The following IBA57 variants were observed in gnomAD, a reference collection of about 807,000 sequenced individuals.
IBA57 encodes iron-sulfur cluster assembly factor IBA57, mitochondrial.
Under a neutral mutation model 20.4 loss-of-function variants are expected in IBA57, and 20 were observed. That is an observed-to-expected ratio of 0.98 (90% CI 0.69 to 1.42). IBA57 has a LOEUF of 1.42. Ranked by LOEUF, IBA57 falls within the 40% of genes most tolerant of loss-of-function variation. The pLI is 0.00. For missense variants in IBA57, 608 were observed against 499.3 expected, an observed-to-expected ratio of 1.22 and a Z score of -2.07; for synonymous variants, 310 against 233.9, an observed-to-expected ratio of 1.33 and a Z score of -2.97.
Position 228,165,971 on chromosome 1 carries a change from G to T in IBA57, c.155G>T (p.Arg52Leu). 6.6e-7 allele frequency: 1 copy of T among 1,516,840 alleles called. No homozygotes were observed. Among genetic ancestry groups the T allele is most frequent in the Middle Eastern group, 2.0e-4 (1 of 4,928 alleles). 94.0% of individuals were successfully genotyped at this position (1,516,840 alleles called of 1,614,324 possible). The part of the protein sequence containing the change: ...PTAGAAWACF[R>L]LDGRTLLRVR... The stretch of plus-strand genomic sequence containing the variant: ...GCCGGAGCGGCCTGGGCCTGCTTCC[G>T]GCTGGACGGGCGCACCCTGCTGCGC... The change falls in exon 1 of 3, where the codon CGG (arginine) becomes CTG (leucine). Residue 52 changes from arginine (R) to leucine (L), a missense_variant. Arg to Leu is a moderately radical substitution (Grantham distance 102). Transcript: ENST00000366711.
At position 228,176,179 on chromosome 1, in the gene IBA57, G is replaced by A. The variant is rs1343774175; in HGVS notation, c.*666G>A. On this transcript the variant is annotated 3_prime_UTR_variant, in exon 3 of 3. Coordinates refer to ENST00000366711, the MANE Select transcript of IBA57 (RefSeq NM_001010867.4). ...CCTCAGAGCCCTCCAGGAGCGTGGG[G>A]TGGGGGCCAGCGCAGGGCTCAGGAG... The A allele has an allele frequency of 6.6e-6, 1 of 152,530 alleles. No individual in the cohort carries two copies. The highest frequency in any genetic ancestry group is 1.5e-5 in the Non-Finnish European group (1 of 68,306). The allele number at this position is 152,530 out of a possible 1,614,324, so 9.4% of individuals were successfully genotyped here.
At position 228,174,992 on chromosome 1, in the gene IBA57, G is replaced by A. The variant is rs1342696735; in HGVS notation, c.642G>A (p.Gly214=). The change falls in exon 2 of 3, where the codon GGG becomes GGA. Residue 214 remains glycine, a synonymous_variant. Transcript: ENST00000366711. ...CCCTGGTGCCCGGGGGCCGGCTCGG[G>A]GACTTGTGGGATTATCACCAGCACC... ...GPALVPGGRL[G]DLWDYHQHRY... is the part of the protein sequence containing the mutation. 3 of 1,548,002 alleles carry A rather than the reference G, an allele frequency of 1.9e-6. No homozygotes were observed. The African/African-American group carries it at 4.1e-5, about 21-fold the overall frequency.
In IBA57 at chr1:228,181,245, C is replaced by G. The variant is rs1292357707; in HGVS notation, c.*5732C>G. 1 of 152,222 alleles carries G rather than the reference C, an allele frequency of 6.6e-6. No individual in the cohort carries two copies. The highest frequency in any genetic ancestry group is 1.5e-5 in the Non-Finnish European group (1 of 68,056). 9.4% of individuals were successfully genotyped at this position (152,222 alleles called of 1,614,324 possible). A position where few individuals can be genotyped will look rare whatever the true frequency, so the allele number is the denominator to read the frequency against. Reference sequence around the variant, plus strand: ...GGCCAGTTCCTGGATCTTGGACTGTCCGGTCTCCAGAACCGTGAGCCAATA... The same window carrying G: ...GGCCAGTTCCTGGATCTTGGACTGTGCGGTCTCCAGAACCGTGAGCCAATA... On this transcript the variant is annotated 3_prime_UTR_variant, in exon 3 of 3. Coordinates refer to ENST00000366711, the MANE Select transcript of IBA57 (RefSeq NM_001010867.4).
At chr1:228,166,282 G>A in intron 1 of IBA57, 125 bp downstream of exon 1, 1 of 391,350 alleles carries the variant, frequency 2.6e-6, no homozygotes, top group Non-Finnish European at 4.2e-6. Context: ...CCCGGGGAGG[G>A]CCGGGATGGG....
Position 228,166,042 on chromosome 1 carries a change from A to C in IBA57, c.226A>C (p.Asn76His), listed in dbSNP as rs1238570193. 6.5e-7 allele frequency: 1 copy of C among 1,538,342 alleles called. No homozygotes were observed. Among genetic ancestry groups the C allele is most frequent in the African/African-American group, 1.4e-5 (1 of 72,124 alleles). The change falls in exon 1 of 3, where the codon AAT becomes CAT. Residue 76 changes from asparagine to histidine, a missense_variant. Physicochemically the swap from Asn to His is moderately conservative, Grantham distance 68. Coordinates refer to ENST00000366711, the MANE Select transcript of IBA57 (RefSeq NM_001010867.4). ...AAPFLLGLLT[N>H]ELPLPSPAAA... is the part of the protein sequence containing the mutation. Reference sequence around the variant, plus strand: ...GCCCTTCCTGCTAGGGCTGCTGACCAATGAACTGCCGCTTCCGAGTCCTGC... The same window carrying C: ...GCCCTTCCTGCTAGGGCTGCTGACCCATGAACTGCCGCTTCCGAGTCCTGC...
At position 228,179,704 on chromosome 1, in the gene IBA57, A is replaced by G. The variant is rs1445129574; in HGVS notation, c.*4191A>G. The G allele has an allele frequency of 6.6e-6, 1 of 152,260 alleles. No individual in the cohort carries two copies. Among genetic ancestry groups the G allele is most frequent in the Non-Finnish European group, 1.5e-5 (1 of 68,050 alleles). The allele number at this position is 152,260 out of a possible 1,614,324, so 9.4% of individuals were successfully genotyped here. On this transcript the variant is annotated 3_prime_UTR_variant, in exon 3 of 3. Coordinates refer to ENST00000366711, the MANE Select transcript of IBA57 (RefSeq NM_001010867.4). ...GAAAGTACAGAATCTCATGACAAAG[A>G]GATCTTAAGGCAGAAAAGAAAGAGA...
chr1:228,166,927 C>T (rs890751925), intron 1 of IBA57, among the ~76,000 whole-genome samples: 2 of 152,150 alleles, frequency 1.3e-5, no homozygotes, highest in African/African-American at 4.8e-5. Context: ...GGGATGGACA[C>T]CTTTTTAATG....
intron 1 of IBA57, among the ~76,000 whole-genome samples, chr1:228,169,394 T>C (rs1420057250): frequency 6.6e-6 from 1 of 152,204 alleles, no homozygotes; most frequent in East Asian, 1.9e-4. Flanking sequence ...ACTATAGTTA[T>C]TTGGTTGTTG....
chr1:228,170,522 G>A lies in IBA57; in HGVS notation c.342-4170G>A, dbSNP rs1388926512. Among the ~76,000 whole-genome samples, 1 of 152,076 alleles carries A rather than the reference G, an allele frequency of 6.6e-6. No homozygotes were observed. Among genetic ancestry groups the A allele is most frequent in the Non-Finnish European group, 1.5e-5 (1 of 68,026 alleles). ...TGCTCGGGCTGGTCTTGAACTCCTG[G>A]GCTCAGGCGATTCTCCTGCCTCAGC... On this transcript the variant is annotated intron_variant, in intron 1 of 2. Transcript: ENST00000366711. This position sits in a 1 kb window ranked among gnomAD's most constrained non-coding sequence, Gnocchi z 4.8.
At position 228,174,695 on chromosome 1, in the gene IBA57, C is replaced by CCA; in HGVS notation, c.346_347dup (p.Gln116HisfsTer136). The CCA allele has an allele frequency of 6.4e-7, 1 of 1,558,690 alleles. No individual in the cohort carries two copies. Among genetic ancestry groups the CCA allele is most frequent in the Non-Finnish European group, 8.7e-7 (1 of 1,154,438 alleles). ...GCCCCTGCCTCTCTCCCTGCAGGCT[C>CCA]CAGGAACACTCGGAGGTGTCTGGCT... On this transcript the variant is annotated frameshift_variant, in exon 2 of 3. Coordinates refer to ENST00000366711, the MANE Select transcript of IBA57 (RefSeq NM_001010867.4). LOFTEE classifies it high-confidence loss of function.
chr1:228,179,223 G>C lies in IBA57; in HGVS notation c.*3710G>C, dbSNP rs1297605877. On this transcript the variant is annotated 3_prime_UTR_variant, in exon 3 of 3. Transcript: ENST00000366711. ...CACACACACCAATGTTCTGATCTTA[G>C]AGTAAGCAGACACATCACATGGAAT... The C allele has an allele frequency of 2.6e-5, 4 of 151,964 alleles. No homozygotes were observed. The highest frequency in any genetic ancestry group is 5.9e-5 in the Non-Finnish European group (4 of 68,034). 9.4% of individuals were successfully genotyped at this position (151,964 alleles called of 1,614,324 possible). A position where few individuals can be genotyped will look rare whatever the true frequency, so the allele number is the denominator to read the frequency against.
chr1:228,179,499 C>G lies in IBA57; in HGVS notation c.*3986C>G, dbSNP rs28587961. The G allele has an allele frequency of 6.6e-6, 1 of 152,088 alleles. No homozygotes were observed. Among genetic ancestry groups the G allele is most frequent in the Non-Finnish European group, 1.5e-5 (1 of 68,042 alleles). The allele number at this position is 152,088 out of a possible 1,614,324, so 9.4% of individuals were successfully genotyped here. ...AAGATGGAGAGTTTAGTATGACATC[C>G]GCAATTTACGAGTAATTCCAGAAGG... On this transcript the variant is annotated 3_prime_UTR_variant, in exon 3 of 3. Coordinates refer to ENST00000366711, the MANE Select transcript of IBA57 (RefSeq NM_001010867.4).
intron 1 of IBA57, among the ~76,000 whole-genome samples, chr1:228,166,823 G>A (rs1215525695): frequency 6.6e-6 from 1 of 152,208 alleles, no homozygotes; most frequent in Admixed American, 6.5e-5. Context: ...CCGCCCGGTG[G>A]AGTGGATCTG....
Position 228,175,507 on chromosome 1 carries a change from C to A in IBA57, c.1065C>A (p.Ser355=). The change falls in exon 3 of 3, where the codon TCC becomes TCA. Residue 355 remains serine (S), a synonymous_variant. Transcript: ENST00000366711. ...TGCCAGACTGGTGGCCTACAGTCTC[C>A]AAGTAGTCCGAAGCCTTGGCTGGCG... ...ASVPDWWPTV[S]K 6.4e-7 allele frequency: 1 copy of A among 1,562,016 alleles called. No individual in the cohort carries two copies. The highest frequency in any genetic ancestry group is 1.2e-5 in the South Asian group (1 of 83,444).
rs2035046494 is a variant in IBA57, at chr1:228,177,626, A to T, written c.*2113A>T. 6.6e-6 allele frequency: 1 copy of T among 151,038 alleles called. No homozygotes were observed. The highest frequency in any genetic ancestry group is 1.5e-5 in the Non-Finnish European group (1 of 67,942). The allele number at this position is 151,038 out of a possible 1,614,324, so 9.4% of individuals were successfully genotyped here. A position where few individuals can be genotyped will look rare whatever the true frequency, so the allele number is the denominator to read the frequency against. On this transcript the variant is annotated 3_prime_UTR_variant, in exon 3 of 3. Coordinates refer to ENST00000366711, the MANE Select transcript of IBA57 (RefSeq NM_001010867.4). ...TGCCTCAGCCTCCTGGGTAGCTGGG[A>T]CTACAGGCACATGCCCCATGCCCGG...
Position 228,180,706 on chromosome 1 carries a change from G to T in IBA57, c.*5193G>T, listed in dbSNP as rs1038984793. 2.6e-5 allele frequency: 4 copies of T among 151,482 alleles called. No homozygotes were observed. The highest frequency in any genetic ancestry group is 5.9e-5 in the Non-Finnish European group (4 of 67,898). The allele number at this position is 151,482 out of a possible 1,614,324, so 9.4% of individuals were successfully genotyped here. A position where few individuals can be genotyped will look rare whatever the true frequency, so the allele number is the denominator to read the frequency against. The stretch of plus-strand genomic sequence containing the variant: ...CTCTTGCCCAGGCTGGAGTGGAGTG[G>T]CATAAACACAGCTCACTACAGCCTC... On this transcript the variant is annotated 3_prime_UTR_variant, in exon 3 of 3. Transcript: ENST00000366711.
intron 1 of IBA57, chr1:228,171,335 C>T (rs1015355714): frequency 6.6e-5 from 10 of 152,238 alleles, no homozygotes; most frequent in Non-Finnish European, 1.5e-4. Context: ...AGGCAAGTCT[C>T]CTGGCAGTCT....
At chr1:228,168,525 G>A (rs2034882348) in intron 1 of IBA57, among the ~76,000 whole-genome samples, 1 of 152,130 alleles carries the variant, frequency 6.6e-6, no homozygotes, top group Non-Finnish European at 1.5e-5. Context: ...TGCCTGGTCT[G>A]GAGCTTGTCT....
rs2034913734 is a variant in IBA57 at position 228,170,831 on chromosome 1, G to T, written c.342-3861G>T. The stretch of plus-strand genomic sequence containing the variant: ...CTTGTCAGGCCTCTGGTGGCCTGGG[G>T]AGGAGGGAGGAGAGAGAAGGGAAGG... On this transcript the variant is annotated intron_variant, in intron 1 of 2. Coordinates refer to ENST00000366711, the MANE Select transcript of IBA57 (RefSeq NM_001010867.4). The surrounding 1 kb of genome is among the most constrained non-coding windows in gnomAD (Gnocchi z 4.8). Among the ~76,000 whole-genome samples the T allele has an allele frequency of 6.6e-6, 1 of 152,198 alleles. No individual in the cohort carries two copies. The highest frequency in any genetic ancestry group is 2.4e-5 in the African/African-American group (1 of 41,452).
Sources: allele counts gnomAD v4.1 joint callset (sites outside exome capture counted in the v4.1 genomes callset), GRCh38; gene constraint gnomAD v4.1.1; non-coding constraint Gnocchi (gnomAD v3.1); transcripts MANE v1.5; gene names NCBI Gene and HGNC (gene_info 2026-07-23, HGNC 2026-07-21).